Variants in MACROD2 observed in about 807,000 individuals in gnomAD.
MACROD2 encodes mono-ADP ribosylhydrolase 2.
In MACROD2, 36 loss-of-function variants were observed where a neutral mutation model predicts 70.4. The ratio of observed to expected loss-of-function variants is 0.51; its 90% CI spans 0.39 to 0.68. The LOEUF is 0.68. Among genes scored for constraint, MACROD2 ranks in the 30% least tolerant of loss-of-function variants. MACROD2 has a pLI of 0.00. For missense variants in MACROD2, 496 were observed against 538.4 expected (o/e 0.92, Z 0.78); for synonymous variants, 172 against 178.8 (o/e 0.96, Z 0.30).
intron 5 of MACROD2, among the ~76,000 whole-genome samples, chr20:14,927,046 C>T (rs2074241491): frequency 6.6e-6 from 1 of 152,088 alleles, no homozygotes; most frequent in South Asian, 2.1e-4. Context: ...TGTTCAATTT[C>T]TTGTATTGTC....
chr20:15,907,643 C>T (rs149201494), intron 10 of MACROD2, among the ~76,000 whole-genome samples: 24 of 152,310 alleles, frequency 1.6e-4, no homozygotes, highest in African/African-American at 5.5e-4. Context: ...ACAAAGGTCA[C>T]ATTTCTACGC....
intron 6 of MACROD2, among the ~76,000 whole-genome samples, chr20:15,355,973 T>C (rs916423791): frequency 6.6e-6 from 1 of 152,212 alleles, no homozygotes. Flanking sequence ...GTTCTAGTAA[T>C]TTACAAGCAC....
chr20:14,876,715 G>A (rs1429164688), intron 5 of MACROD2, among the ~76,000 whole-genome samples: 2 of 152,008 alleles, frequency 1.3e-5, no homozygotes, highest in Non-Finnish European at 2.9e-5. Flanking sequence ...CATTTATTCG[G>A]TAGGGAATCC....
At chr20:15,596,206 C>T (rs537833948) in intron 8 of MACROD2, among the ~76,000 whole-genome samples, 154 of 152,280 alleles carry the variant, frequency 1.0e-3, no homozygotes, top group Non-Finnish European at 1.7e-3. Flanking sequence ...GCTTGTGGCT[C>T]GGTCAACTCT....
chr20:15,631,352 A>G (rs1318952010), intron 8 of MACROD2, among the ~76,000 whole-genome samples: 1 of 152,218 alleles, frequency 6.6e-6, no homozygotes, highest in African/African-American at 2.4e-5. Context: ...ACCAGAATTT[A>G]GTGTCATTAA....
At chr20:15,830,918 G>A (rs2064049134) in intron 8 of MACROD2, among the ~76,000 whole-genome samples, 1 of 152,206 alleles carries the variant, frequency 6.6e-6, no homozygotes, top group South Asian at 2.1e-4. Flanking sequence ...AATATTTGCA[G>A]TGTGATAGTC....
rs1157804566 is a variant in MACROD2 at position 15,563,257 on chromosome 20, C to T, written c.645+63410C>T. Among the ~76,000 whole-genome samples the T allele has an allele frequency of 2.0e-5, 3 of 152,296 alleles. No homozygotes were observed. The East Asian group carries it at 5.8e-4, about 29-fold the overall frequency. On this transcript the variant is annotated intron_variant, in intron 8 of 17. Coordinates refer to ENST00000684519, the MANE Select transcript of MACROD2 (RefSeq NM_001351661.2). ...AGAAAGCTGAGAGATACTAGTCTAG[C>T]TTGCTGTGCAACCCCCTTCTTCTGT...
At chr20:15,470,022 A>G (rs553339460) in intron 7 of MACROD2, among the ~76,000 whole-genome samples, 6 of 152,078 alleles carry the variant, frequency 3.9e-5, no homozygotes, top group Non-Finnish European at 7.4e-5. Flanking sequence ...AAGTAAGTCT[A>G]TTTATCTTTC....
intron 6 of MACROD2, among the ~76,000 whole-genome samples, chr20:15,260,979 C>G (rs1330195716): frequency 1.3e-5 from 2 of 151,926 alleles, no homozygotes; most frequent in Non-Finnish European, 2.9e-5. Context: ...GTTATTCAAT[C>G]TTGCAGTATT....
chr20:14,487,299 A>G (rs1168687831), intron 3 of MACROD2, among the ~76,000 whole-genome samples: 1 of 152,066 alleles, frequency 6.6e-6, no homozygotes, highest in African/African-American at 2.4e-5. Context: ...GCAAACCTGT[A>G]CTGTGACCAA....
intron 3 of MACROD2, among the ~76,000 whole-genome samples, chr20:14,169,791 G>A (rs1402179717): frequency 6.6e-6 from 1 of 151,734 alleles, no homozygotes; most frequent in Non-Finnish European, 1.5e-5. Flanking sequence ...TTATTATTTT[G>A]AATACATTGT....
chr20:15,154,222 T>A (rs142310751), intron 5 of MACROD2, among the ~76,000 whole-genome samples: 2 of 152,300 alleles, frequency 1.3e-5, no homozygotes, highest in Non-Finnish European at 2.9e-5. Context: ...CCTGCCACAC[T>A]CTGACTCATC....
At chr20:15,497,731 A>G (rs1489682668) in intron 7 of MACROD2, among the ~76,000 whole-genome samples, 1 of 152,082 alleles carries the variant, frequency 6.6e-6, no homozygotes, top group Admixed American at 6.6e-5. Context: ...CCCATTTTAC[A>G]GCCCTCTTCC....
chr20:14,130,115 T>G (rs2054699099), intron 3 of MACROD2, among the ~76,000 whole-genome samples: 1 of 152,290 alleles, frequency 6.6e-6, no homozygotes, highest in Non-Finnish European at 1.5e-5. Context: ...TCAGTTAAAG[T>G]GAGTCACCCA....
At chr20:15,090,206 C>CATAT (rs10566528) in intron 5 of MACROD2, among the ~76,000 whole-genome samples, 357 of 150,718 alleles carry the variant, frequency 2.4e-3, no homozygotes, top group Non-Finnish European at 3.4e-3. Flanking sequence ...GATAAATGTA[C>CATAT]ATATATATAT....
intron 3 of MACROD2, among the ~76,000 whole-genome samples, chr20:14,164,032 C>T (rs1476859395): frequency 6.6e-6 from 1 of 151,736 alleles, no homozygotes; most frequent in African/African-American, 2.4e-5. Flanking sequence ...TTCATGTGTC[C>T]TTATGTTGCT....
In MACROD2 at chr20:14,205,081, T is replaced by A. The variant is rs552420748; in HGVS notation, c.271+119353T>A. 6.6e-5 allele frequency among the ~76,000 whole-genome samples: 10 copies of A among 152,288 alleles called. No individual in the cohort carries two copies. In the South Asian group the frequency reaches 2.1e-3, roughly 32 times the overall value. ...GATTTCAAAAATCTCAGGGAAAAGA[T>A]AGATTTGATCAAATATCTGGAACAG... On this transcript the variant is annotated intron_variant, in intron 3 of 17. Coordinates refer to ENST00000684519, the MANE Select transcript of MACROD2 (RefSeq NM_001351661.2).
intron 8 of MACROD2, among the ~76,000 whole-genome samples, chr20:15,813,705 G>A (rs1255902392): frequency 6.6e-6 from 1 of 152,152 alleles, no homozygotes; most frequent in African/African-American, 2.4e-5. Context: ...CTTGAGCCCA[G>A]GAGTTCAAGG....
chr20:14,922,159 A>G (rs1246643404), intron 5 of MACROD2, among the ~76,000 whole-genome samples: 1 of 152,190 alleles, frequency 6.6e-6, no homozygotes, highest in Non-Finnish European at 1.5e-5. Context: ...CTCAGTTTAT[A>G]ATATTGAAGA....
Sources: allele counts gnomAD v4.1 joint callset (sites outside exome capture counted in the v4.1 genomes callset), GRCh38; gene constraint gnomAD v4.1.1; transcripts MANE v1.5; gene names NCBI Gene and HGNC (gene_info 2026-07-23, HGNC 2026-07-21).